The following CCDC91 variants were observed in gnomAD, a reference collection of about 807,000 sequenced individuals.
The protein encoded by CCDC91 is coiled-coil domain containing 91, also known as coiled-coil domain-containing protein 91.
A neutral mutation model predicts 63.2 loss-of-function variants in CCDC91; 48 were observed. The observed-to-expected ratio is 0.76, with a 90% CI of 0.60 to 0.97. The LOEUF is 0.97. Ranked by LOEUF, CCDC91 falls within the 50% of genes least tolerant of loss-of-function variation. CCDC91 has a pLI of 0.00. For synonymous variants in CCDC91, 167 were observed against 165.8 expected (o/e 1.01, Z -0.06); for missense variants, 500 against 494.6 (o/e 1.01, Z -0.10).
At chr12:28,495,688 G>C (rs369969738) in intron 12 of CCDC91, among the ~76,000 whole-genome samples, 3 of 151,624 alleles carry the variant, frequency 2.0e-5, no homozygotes, top group Non-Finnish European at 3.0e-5. Flanking sequence ...ATTTAGCATC[G>C]TGAGACTTTA....
intron 10 of CCDC91, among the ~76,000 whole-genome samples, chr12:28,450,665 A>G (rs1373066364): frequency 6.6e-6 from 1 of 151,824 alleles, no homozygotes; most frequent in Non-Finnish European, 1.5e-5. Context: ...AAGAACATAT[A>G]TGTTGCAACA....
At position 28,280,424 on chromosome 12, in the gene CCDC91, T is replaced by G. The variant is rs181571497; in HGVS notation, c.109+20982T>G. On this transcript the variant is annotated intron_variant, in intron 3 of 12. Coordinates refer to ENST00000536442, the MANE Select transcript of CCDC91 (RefSeq NM_018318.5). ...TTTTATGGTTTAATTCAGTCTGAAA[T>G]ACTGCATTTACAACATGACACTAGC... Among the ~76,000 whole-genome samples, 51 of 152,262 alleles carry G rather than the reference T, an allele frequency of 3.3e-4. No homozygotes were observed. The East Asian group carries it at 7.0e-3, about 21-fold the overall frequency.
intron 3 of CCDC91, among the ~76,000 whole-genome samples, chr12:28,300,144 C>G (rs1048530100): frequency 6.6e-6 from 1 of 151,320 alleles, no homozygotes. Context: ...TTTCTTATGT[C>G]TAAGGTAAAG....
intron 1 of CCDC91, among the ~76,000 whole-genome samples, chr12:28,214,378 G>A (rs1250613901): frequency 1.3e-5 from 2 of 152,060 alleles, no homozygotes; most frequent in Admixed American, 6.5e-5. Context: ...CCCAACCCAA[G>A]CAGGAGTACT....
At chr12:28,298,935 A>G (rs1039710128) in intron 3 of CCDC91, among the ~76,000 whole-genome samples, 1 of 151,462 alleles carries the variant, frequency 6.6e-6, no homozygotes, top group Non-Finnish European at 1.5e-5. Flanking sequence ...ATTTTCACTG[A>G]TAAATAATTG....
At chr12:28,196,629 C>T (rs1941791407) in intron 1 of CCDC91, among the ~76,000 whole-genome samples, 1 of 152,148 alleles carries the variant, frequency 6.6e-6, no homozygotes, top group Non-Finnish European at 1.5e-5. Flanking sequence ...TTCTCTTTAA[C>T]TCCTGCTTAG....
In CCDC91 at chr12:28,440,238, G is replaced by C. The variant is rs189152592; in HGVS notation, c.763-9923G>C. Among the ~76,000 whole-genome samples, 542 of 152,228 alleles carry C rather than the reference G, an allele frequency of 3.6e-3. 1 individual carries two copies. The highest frequency in any genetic ancestry group is 6.5e-3 in the Non-Finnish European group (444 of 68,002). ...TAACTAGTGGCTTTGTTTATAAGTA[G>C]GAATAATAGTGAAGCTGTATGGCCT... On this transcript the variant is annotated intron_variant, in intron 8 of 12. Transcript: ENST00000536442.
chr12:28,214,712 C>A (rs906035612), intron 1 of CCDC91, among the ~76,000 whole-genome samples: 20 of 152,048 alleles, frequency 1.3e-4, no homozygotes, highest in African/African-American at 4.8e-4. Flanking sequence ...TACAGGATAT[C>A]AAGGGAAATA....
At chr12:28,332,166 T>G (rs1331102834) in intron 6 of CCDC91, among the ~76,000 whole-genome samples, 7 of 152,180 alleles carry the variant, frequency 4.6e-5, no homozygotes, top group African/African-American at 1.7e-4. Flanking sequence ...ACTGTAGGAA[T>G]GCTATTCATA....
At chr12:28,401,161 G>C (rs1488237710) in intron 8 of CCDC91, among the ~76,000 whole-genome samples, 4 of 152,110 alleles carry the variant, frequency 2.6e-5, no homozygotes, top group African/African-American at 7.2e-5. Flanking sequence ...TGCTAATACA[G>C]ACATACCCAA....
chr12:28,501,883 A>C (rs1327328713), intron 12 of CCDC91, among the ~76,000 whole-genome samples: 1 of 151,328 alleles, frequency 6.6e-6, no homozygotes, highest in Non-Finnish European at 1.5e-5. Flanking sequence ...ACAATTTCAG[A>C]GCCTGTTATT....
chr12:28,467,215 T>C (rs1950588367), intron 11 of CCDC91, among the ~76,000 whole-genome samples: 1 of 151,924 alleles, frequency 6.6e-6, no homozygotes, highest in Non-Finnish European at 1.5e-5. Context: ...CTGTTGCCTA[T>C]AAGAAACACA....
intron 12 of CCDC91, among the ~76,000 whole-genome samples, chr12:28,536,044 T>A (rs12821710): frequency 0.37 from 54,247 of 147,596 alleles, 10,085 homozygotes; most frequent in Non-Finnish European, 0.42. Context: ...AAAAAAAAAA[T>A]ATATATTGTG....
chr12:28,376,304 T>A (rs1944941715), intron 7 of CCDC91, among the ~76,000 whole-genome samples: 1 of 151,778 alleles, frequency 6.6e-6, no homozygotes, highest in Non-Finnish European at 1.5e-5. Flanking sequence ...TGTATGTGCT[T>A]ATATTGTATC....
intron 8 of CCDC91, among the ~76,000 whole-genome samples, chr12:28,403,725 G>A (rs1946770893): frequency 6.6e-6 from 1 of 152,096 alleles, no homozygotes; most frequent in South Asian, 2.1e-4. Context: ...GGCCTACTCA[G>A]ATTGTCTGTT....
At chr12:28,523,460 A>C (rs554620543) in intron 12 of CCDC91, among the ~76,000 whole-genome samples, 1 of 152,028 alleles carries the variant, frequency 6.6e-6, no homozygotes, top group Middle Eastern at 3.2e-3. Context: ...TTTTGAGCCT[A>C]TGTGTGTCTC....
chr12:28,457,197 G>A (rs1238198480), intron 11 of CCDC91, among the ~76,000 whole-genome samples: 1 of 151,978 alleles, frequency 6.6e-6, no homozygotes, highest in Non-Finnish European at 1.5e-5. Flanking sequence ...CAGCCTAGAT[G>A]CAGAAGTCAG....
chr12:28,262,145 G>A (rs1279701777), intron 3 of CCDC91, among the ~76,000 whole-genome samples: 1 of 151,988 alleles, frequency 6.6e-6, no homozygotes, highest in East Asian at 1.9e-4. Context: ...GTAAAGACCT[G>A]AGAAGATAGG....
intron 6 of CCDC91, among the ~76,000 whole-genome samples, chr12:28,323,821 C>G (rs1412582590): frequency 6.6e-6 from 1 of 151,816 alleles, no homozygotes; most frequent in Non-Finnish European, 1.5e-5. Flanking sequence ...CAAAGCCCTG[C>G]AGTTGTGAAA....
Sources: allele counts gnomAD v4.1 joint callset (sites outside exome capture counted in the v4.1 genomes callset), GRCh38; gene constraint gnomAD v4.1.1; transcripts MANE v1.5; gene names NCBI Gene and HGNC (gene_info 2026-07-23, HGNC 2026-07-21).